Variants in EPB41L4A observed in about 807,000 individuals in gnomAD.
The protein encoded by EPB41L4A is band 4.1-like protein 4A.
In EPB41L4A, 100 loss-of-function variants were observed where a neutral mutation model predicts 108.6. The ratio of observed to expected loss-of-function variants is 0.92; its 90% CI spans 0.78 to 1.09. EPB41L4A has a LOEUF of 1.09. Ranked by LOEUF, EPB41L4A falls within the 50% of genes least tolerant of loss-of-function variation. The pLI, the probability that EPB41L4A is intolerant of heterozygous loss-of-function variation, is 0.00. For missense variants in EPB41L4A, 1,030 were observed against 842.7 expected, an observed-to-expected ratio of 1.22 and a Z score of -2.75; for synonymous variants, 319 against 289.0, an observed-to-expected ratio of 1.10 and a Z score of -1.05.
intron 12 of EPB41L4A, among the ~76,000 whole-genome samples, chr5:112,232,435 A>G (rs1749024571): frequency 6.6e-6 from 1 of 152,188 alleles, no homozygotes; most frequent in Non-Finnish European, 1.5e-5. Context: ...GTGATGTGGC[A>G]AGGTAATCTA....
At chr5:112,339,496 CTATATATATATATAGATATATAGA>C (rs1757144521) in intron 1 of EPB41L4A, among the ~76,000 whole-genome samples, 4 of 32,304 alleles carry the variant, frequency 1.2e-4, no homozygotes, top group African/African-American at 5.1e-4. Context: ...ATATATATAT[CTATATATATATATAGATATATAGA>C]TATATATCTA....
chr5:112,303,416 G>C (rs60636568), intron 2 of EPB41L4A, among the ~76,000 whole-genome samples: 26,137 of 152,080 alleles, frequency 0.17, 2,603 homozygotes, highest in African/African-American at 0.27. Flanking sequence ...GAGGTAAACA[G>C]TACTAGCAAA....
At chr5:112,287,190 T>C (rs1007088482) in intron 2 of EPB41L4A, among the ~76,000 whole-genome samples, 3 of 152,208 alleles carry the variant, frequency 2.0e-5, no homozygotes, top group African/African-American at 7.2e-5. Flanking sequence ...TTAATCCAAC[T>C]GCCTACTTGG....
chr5:112,306,361 T>C lies in EPB41L4A; in HGVS notation c.204+1025A>G, dbSNP rs559687317. 2.6e-5 allele frequency among the ~76,000 whole-genome samples: 4 copies of C among 152,274 alleles called. No homozygotes were observed. The South Asian group carries it at 6.2e-4, about 24-fold the overall frequency. ...CCACTAGCCTTTAGAAAGTTATTCC[T>C]TTCTATGCAAAGCTATCCAACATAC... On this transcript the variant is annotated intron_variant, in intron 2 of 22. Transcript: ENST00000261486.
At chr5:112,269,686 T>TTA (rs1752124927) in intron 4 of EPB41L4A, among the ~76,000 whole-genome samples, 2 of 152,156 alleles carry the variant, frequency 1.3e-5, no homozygotes, top group Non-Finnish European at 2.9e-5. Flanking sequence ...CTCTAAAGTG[T>TTA]CAGGAGTTTG....
intron 1 of EPB41L4A, among the ~76,000 whole-genome samples, chr5:112,415,645 G>A (rs962556538): frequency 1.3e-5 from 2 of 152,106 alleles, no homozygotes; most frequent in African/African-American, 4.8e-5. Context: ...ACCTCCCTCA[G>A]CACAGAGAAC....
At chr5:112,343,107 G>C (rs995495823) in intron 1 of EPB41L4A, among the ~76,000 whole-genome samples, 4 of 152,120 alleles carry the variant, frequency 2.6e-5, no homozygotes, top group African/African-American at 9.7e-5. Context: ...TTTACAGAGA[G>C]GTATACACTT....
At chr5:112,231,791 C>CCAA (rs1554081730) in intron 12 of EPB41L4A, among the ~76,000 whole-genome samples, 1 of 37,618 alleles carries the variant, frequency 2.7e-5, no homozygotes, top group Non-Finnish European at 4.5e-5. Flanking sequence ...GACTCCGTCT[C>CCAA]AAAAAAAAAA....
rs540598686 is a variant in EPB41L4A at position 112,395,851 on chromosome 5, T to C, written c.99+23090A>G. On this transcript the variant is annotated intron_variant, in intron 1 of 22. Transcript: ENST00000261486. ...CAAAGACTTGGAACCAACCCAAATG[T>C]CCATCAATGATAGACTGGATTAAGA... 1.1e-4 allele frequency among the ~76,000 whole-genome samples: 16 copies of C among 152,282 alleles called. No homozygotes were observed. In the South Asian group the frequency reaches 3.1e-3, roughly 30 times the overall value.
intron 1 of EPB41L4A, among the ~76,000 whole-genome samples, chr5:112,409,939 C>G (rs964129357): frequency 4.6e-5 from 7 of 152,152 alleles, no homozygotes; most frequent in Non-Finnish European, 1.0e-4. Flanking sequence ...AAAGCCTATG[C>G]CCTCTTCACC....
intron 12 of EPB41L4A, among the ~76,000 whole-genome samples, chr5:112,216,826 C>T (rs548042274): frequency 3.3e-5 from 5 of 152,244 alleles, no homozygotes; most frequent in South Asian, 2.1e-4. Flanking sequence ...GTGACTTTGC[C>T]TTAATTTCAC....
intron 4 of EPB41L4A, 102 bp downstream of exon 4, chr5:112,275,224 A>G: frequency 1.5e-6 from 2 of 1,365,820 alleles, no homozygotes; most frequent in Admixed American, 2.9e-5. Context: ...AAATGCAGGT[A>G]GACACACATC....
intron 12 of EPB41L4A, among the ~76,000 whole-genome samples, chr5:112,210,427 C>T (rs1240019665): frequency 6.6e-6 from 1 of 152,040 alleles, no homozygotes; most frequent in Non-Finnish European, 1.5e-5. Context: ...CTGAAAATAT[C>T]CCAACTCATA....
intron 1 of EPB41L4A, among the ~76,000 whole-genome samples, chr5:112,359,512 G>C (rs1243144366): frequency 6.6e-6 from 1 of 151,954 alleles, no homozygotes; most frequent in Non-Finnish European, 1.5e-5. Flanking sequence ...TCAGATTCAA[G>C]GATACATAGA....
chr5:112,367,840 A>T (rs142527159), intron 1 of EPB41L4A, among the ~76,000 whole-genome samples: 125 of 148,768 alleles, frequency 8.4e-4, no homozygotes, highest in African/African-American at 2.9e-3. Context: ...AACAAACTGA[A>T]CTCAGTACCC....
chr5:112,362,117 A>T (rs943436653), intron 1 of EPB41L4A, among the ~76,000 whole-genome samples: 1 of 152,116 alleles, frequency 6.6e-6, no homozygotes, highest in African/African-American at 2.4e-5. Context: ...TAGTTTTCAG[A>T]GACAGGATCT....
intron 1 of EPB41L4A, among the ~76,000 whole-genome samples, chr5:112,340,005 GA>G (rs1185409908): frequency 6.6e-6 from 1 of 152,138 alleles, no homozygotes; most frequent in Non-Finnish European, 1.5e-5. Flanking sequence ...GTTAATAAGA[GA>G]AAGTTGGAAC....
intron 18 of EPB41L4A, among the ~76,000 whole-genome samples, chr5:112,182,077 G>A (rs1026498720): frequency 1.1e-4 from 16 of 151,764 alleles, no homozygotes; most frequent in Non-Finnish European, 1.5e-4. Flanking sequence ...AAAAGAAAAA[G>A]AAATCAGAAC....
At chr5:112,341,959 T>C (rs993811060) in intron 1 of EPB41L4A, among the ~76,000 whole-genome samples, 1 of 152,182 alleles carries the variant, frequency 6.6e-6, no homozygotes, top group Non-Finnish European at 1.5e-5. Context: ...ACAAATTAAA[T>C]GTGGGGAAAT....
Sources: allele counts gnomAD v4.1 joint callset (sites outside exome capture counted in the v4.1 genomes callset), GRCh38; gene constraint gnomAD v4.1.1; transcripts MANE v1.5; gene names NCBI Gene and HGNC (gene_info 2026-07-23, HGNC 2026-07-21).